Variants in NBEAL1 observed in about 807,000 individuals in gnomAD.
NBEAL1 encodes the protein neurobeachin like 1.
Under a neutral mutation model 351.3 loss-of-function variants are expected in NBEAL1, and 273 were observed. The ratio of observed to expected loss-of-function variants is 0.78; its 90% CI spans 0.70 to 0.86. The LOEUF (loss-of-function observed/expected upper bound fraction) is 0.86. Among genes scored for constraint, NBEAL1 ranks in the 40% least tolerant of loss-of-function variants. The probability of loss-of-function intolerance (pLI) is 0.00; values close to 1 mark genes in which losing one functional copy is unlikely to be tolerated. For synonymous variants in NBEAL1, 1,050 were observed against 1,086.4 expected (o/e 0.97, Z 0.66); for missense variants, 2,961 against 3,201.3 (o/e 0.92, Z 1.81).
intron 12 of NBEAL1, among the ~76,000 whole-genome samples, chr2:203,103,377 A>G (rs2062368226): frequency 6.6e-6 from 1 of 151,738 alleles, no homozygotes; most frequent in African/African-American, 2.4e-5. Flanking sequence ...GGGTTCAAGC[A>G]GTTCTCCTGC....
chr2:203,055,001 T>C (rs2106088013), intron 4 of NBEAL1, among the ~76,000 whole-genome samples: 1 of 152,316 alleles, frequency 6.6e-6, no homozygotes, highest in Non-Finnish European at 1.5e-5. Context: ...TTGTTTCATC[T>C]ACCTCTGTCA....
At position 203,213,627 on chromosome 2, in the gene NBEAL1, G is replaced by T. The variant is rs970608610; in HGVS notation, c.8044G>T (p.Val2682Leu). The change falls in exon 55 of 56, where the codon GTA (valine) becomes TTA (leucine). Residue 2682 changes from valine to leucine, a missense_variant. Physicochemically the swap from Val to Leu is conservative, Grantham distance 32. Coordinates refer to ENST00000683969, the MANE Select transcript of NBEAL1 (RefSeq NM_001378026.1). ...LVGLEDGKLI[V>L]VGVGKPAEMR... is the part of the protein sequence containing the mutation. ...AGGTTTAGAAGATGGCAAATTGATT[G>T]TAGTGGGTGTTGGCAAGCCTGCTGA... 2.5e-6 allele frequency: 4 copies of T among 1,613,998 alleles called. No homozygotes were observed. The highest frequency in any genetic ancestry group is 3.4e-6 in the Non-Finnish European group (4 of 1,179,964).
intron 54 of NBEAL1, among the ~76,000 whole-genome samples, chr2:203,212,633 G>C (rs1308563425): frequency 6.6e-6 from 1 of 151,854 alleles, no homozygotes; most frequent in Non-Finnish European, 1.5e-5. Context: ...AGACTAGTTG[G>C]GGAAATATCA....
chr2:203,135,424 T>C (rs553926015), intron 27 of NBEAL1, among the ~76,000 whole-genome samples: 4 of 152,318 alleles, frequency 2.6e-5, no homozygotes, highest in Non-Finnish European at 4.4e-5. Context: ...ATTTTAATTT[T>C]TCTTTTTTAT....
chr2:203,106,539 C>G (rs2062443537), intron 12 of NBEAL1, among the ~76,000 whole-genome samples: 1 of 152,052 alleles, frequency 6.6e-6, no homozygotes, highest in Non-Finnish European at 1.5e-5. Context: ...AATGGATTGC[C>G]TGTACTGTAT....
At chr2:203,139,755 C>T (rs546178831) in intron 31 of NBEAL1, among the ~76,000 whole-genome samples, 9 of 151,198 alleles carry the variant, frequency 6.0e-5, no homozygotes, top group South Asian at 4.2e-4. Context: ...TTAGTAGAGA[C>T]GGAGTTTCAC....
At chr2:203,185,068 A>T (rs1219329960) in intron 44 of NBEAL1, among the ~76,000 whole-genome samples, 1 of 152,202 alleles carries the variant, frequency 6.6e-6, no homozygotes, top group African/African-American at 2.4e-5. Flanking sequence ...CCTTGACCAC[A>T]CGGATTAATA....
At chr2:203,116,810 G>A (rs1230614128) in intron 18 of NBEAL1, among the ~76,000 whole-genome samples, 2 of 149,352 alleles carry the variant, frequency 1.3e-5, no homozygotes, top group Middle Eastern at 3.2e-3. Flanking sequence ...AAAAAAAAGG[G>A]GGGGGCCCAG....
intron 6 of NBEAL1, among the ~76,000 whole-genome samples, chr2:203,059,676 C>T (rs1258541099): frequency 6.6e-6 from 1 of 152,122 alleles, no homozygotes; most frequent in African/African-American, 2.4e-5. Flanking sequence ...CAGTTAGTGC[C>T]GTGACTACCT....
At chr2:203,040,155 C>G (rs1174233530) in intron 2 of NBEAL1, 3 of 1,493,748 alleles carry the variant, frequency 2.0e-6, no homozygotes, top group Non-Finnish European at 1.8e-6. Flanking sequence ...CAGAAAATCT[C>G]CTGAAAAAGA....
chr2:203,154,698 G>A (rs1234236313), intron 35 of NBEAL1, among the ~76,000 whole-genome samples: 1 of 152,056 alleles, frequency 6.6e-6, no homozygotes, highest in Non-Finnish European at 1.5e-5. Context: ...GGAATTTGAA[G>A]AGTGAAAAAG....
At chr2:203,128,203 C>T (rs1214802957) in intron 24 of NBEAL1, among the ~76,000 whole-genome samples, 1 of 150,592 alleles carries the variant, frequency 6.6e-6, no homozygotes, top group African/African-American at 2.4e-5. Context: ...TCTCCTGCCT[C>T]AGCCCCCTGA....
At chr2:203,056,676 C>G (rs1388482002) in intron 5 of NBEAL1, among the ~76,000 whole-genome samples, 168 bp downstream of exon 5, 1 of 152,206 alleles carries the variant, frequency 6.6e-6, no homozygotes, top group Non-Finnish European at 1.5e-5. Flanking sequence ...AAGTGATTCT[C>G]CTGCCTCAGC....
rs781611787 is a variant in NBEAL1 at position 203,145,186 on chromosome 2, A to G, written c.5304+26A>G. 5 of 1,584,466 alleles carry G rather than the reference A, an allele frequency of 3.2e-6. No individual in the cohort carries two copies. In the South Asian group the frequency reaches 3.5e-5, roughly 11 times the overall value. On this transcript the variant is annotated intron_variant, in intron 33 of 55. Transcript: ENST00000683969. ...GTAAAAAGTAAATGTTTTAATATCT[A>G]GTTTTTCTTGTTGATTTTAGGCATT...
chr2:203,099,276 CAAA>C (rs767300078), intron 11 of NBEAL1, among the ~76,000 whole-genome samples: 4 of 88,572 alleles, frequency 4.5e-5, no homozygotes. Context: ...AACTCCATCT[CAAA>C]AAAAAAAAAA....
chr2:203,090,815 G>A (rs958105555), intron 10 of NBEAL1, among the ~76,000 whole-genome samples: 12 of 152,110 alleles, frequency 7.9e-5, no homozygotes, highest in Non-Finnish European at 1.5e-4. Flanking sequence ...CTTGAACCCC[G>A]GAGGCGGAGG....
At chr2:203,081,198 A>G (rs1168671388) in intron 8 of NBEAL1, among the ~76,000 whole-genome samples, 1 of 152,194 alleles carries the variant, frequency 6.6e-6, no homozygotes, top group African/African-American at 2.4e-5. Context: ...TCATGTCATA[A>G]AGGTCAGAAA....
At position 203,208,726 on chromosome 2, in the gene NBEAL1, G is replaced by A. The variant is rs1288387969; in HGVS notation, c.7596G>A (p.Glu2532=). The change falls in exon 52 of 56, where the codon GAG becomes GAA. Residue 2532 remains glutamate, a synonymous_variant. Coordinates refer to ENST00000683969, the MANE Select transcript of NBEAL1 (RefSeq NM_001378026.1). ...TACTGAGTGTCGGCATCAGCACTGAGCTAGACATGGCAGTGTCAGGATCAA... is the reference window on the plus strand; with the variant it reads ...TACTGAGTGTCGGCATCAGCACTGAACTAGACATGGCAGTGTCAGGATCAA... ...NEVLSVGIST[E]LDMAVSGSRD... is the part of the protein sequence containing the mutation. 2 of 1,601,946 alleles carry A rather than the reference G, an allele frequency of 1.2e-6. No individual in the cohort carries two copies. Among genetic ancestry groups the A allele is most frequent in the East Asian group, 2.2e-5 (1 of 44,736 alleles).
intron 10 of NBEAL1, 153 bp downstream of exon 10, chr2:203,084,722 G>A (rs888830282): frequency 6.6e-6 from 3 of 453,556 alleles, no homozygotes; most frequent in Non-Finnish European, 7.8e-6. Flanking sequence ...ATTGAAACTA[G>A]TATTAAATCA....
Sources: gnomAD v4.1 joint callset for allele counts (sites outside exome capture counted in the v4.1 genomes callset) on GRCh38, gnomAD v4.1.1 for gene constraint, MANE v1.5 for transcripts, NCBI Gene and HGNC (gene_info 2026-07-23, HGNC 2026-07-21) for gene names.